Variants in TLK2 observed in about 807,000 individuals in gnomAD.
TLK2 encodes serine/threonine-protein kinase tousled-like 2.
In TLK2, 6 loss-of-function variants were observed where a neutral mutation model predicts 117.3. That is an observed-to-expected ratio of 0.05 (90% CI 0.03 to 0.10). The LOEUF is 0.10. Among genes scored for constraint, TLK2 ranks in the 10% least tolerant of loss-of-function variants. The pLI, the probability that TLK2 is intolerant of heterozygous loss-of-function variation, is 1.00. For synonymous variants in TLK2, 257 were observed against 316.7 expected (o/e 0.81, Z 2.00); for missense variants, 299 against 901.2 (o/e 0.33, Z 8.56).
At chr17:62,502,884 C>T (rs1180022194) in intron 2 of TLK2, among the ~76,000 whole-genome samples, 1 of 152,048 alleles carries the variant, frequency 6.6e-6, no homozygotes, top group Non-Finnish European at 1.5e-5. Context: ...GATTAAAGAA[C>T]ATTAATTTGT....
rs192082364 is a variant in TLK2, at chr17:62,512,786, T to C, written c.82-7987T>C. 5.2e-3 allele frequency among the ~76,000 whole-genome samples: 791 copies of C among 151,596 alleles called. 5 individuals carry two copies. Among genetic ancestry groups the C allele is most frequent in the African/African-American group, 0.018 (753 of 41,466 alleles). The stretch of plus-strand genomic sequence containing the variant: ...CTAAGTTGTAGAGATTTTTCTCCCC[T>C]TTTTTCCTAACAGTTTTATGTTTTA... On this transcript the variant is annotated intron_variant, in intron 2 of 21. Coordinates refer to ENST00000346027, the MANE Select transcript of TLK2 (RefSeq NM_006852.6).
Position 62,576,775 on chromosome 17 carries a change from G to A in TLK2, c.1188G>A (p.Lys396=). The stretch of plus-strand genomic sequence containing the variant: ...AACTCAGATTAGGTCATCTTAAAAA[G>A]GTAAGTATAATGAGAAAATCTCCCT... The part of the protein sequence containing the change: ...IFKLRLGHLK[K]EEAEIQAELE... The change falls in exon 13 of 22, where the codon AAG becomes AAA. Residue 396 remains lysine, a splice_region_variant and synonymous_variant. Transcript: ENST00000346027. 1 of 1,608,128 alleles carries A rather than the reference G, an allele frequency of 6.2e-7. No individual in the cohort carries two copies. The highest frequency in any genetic ancestry group is 8.5e-7 in the Non-Finnish European group (1 of 1,175,112).
chr17:62,556,364 T>C (rs1296995195), intron 9 of TLK2, among the ~76,000 whole-genome samples: 1 of 152,056 alleles, frequency 6.6e-6, no homozygotes, highest in Non-Finnish European at 1.5e-5. Context: ...ATCAGCAGTA[T>C]TTTTTTTATT....
At chr17:62,536,980 TA>T (rs2077159275) in intron 7 of TLK2, among the ~76,000 whole-genome samples, 1 of 152,258 alleles carries the variant, frequency 6.6e-6, no homozygotes, top group African/African-American at 2.4e-5. Flanking sequence ...AACCAAATGT[TA>T]CTTTTCCTGG....
At chr17:62,564,535 C>CAA (rs58856005) in intron 10 of TLK2, among the ~76,000 whole-genome samples, 3 of 63,334 alleles carry the variant, frequency 4.7e-5, no homozygotes, top group Non-Finnish European at 5.8e-5. Context: ...GACTTCGTCT[C>CAA]AAAAAAAAAA....
At chr17:62,585,590 A>G (rs2146891859) in intron 15 of TLK2, 1 of 152,544 alleles carries the variant, frequency 6.6e-6, no homozygotes, top group Middle Eastern at 3.4e-3. Flanking sequence ...TAGAGATGGG[A>G]CTAAAGGCAG....
rs1364785487 is a variant in TLK2, at chr17:62,573,339, A to G, written c.1093A>G (p.Ser365Gly). ...PATNEQKQRK[S>G]KTNGAENETL... ...AACCAATGAGCAGAAACAGCGGAAA[A>G]GCAAGACCAATGGAGCTGAAAATGA... is the stretch of plus-strand genomic sequence containing the variant. The change falls in exon 12 of 22, where the codon AGC becomes GGC. Residue 365 changes from serine to glycine, a missense_variant. This residue lies in a region of TLK2 where 94 missense variants were observed against 282.6 expected (regional missense o/e 0.33). Coordinates refer to ENST00000346027, the MANE Select transcript of TLK2 (RefSeq NM_006852.6). 2 of 1,614,126 alleles carry G rather than the reference A, an allele frequency of 1.2e-6. No individual in the cohort carries two copies. Among genetic ancestry groups the G allele is most frequent in the Non-Finnish European group, 8.5e-7 (1 of 1,179,986 alleles).
intron 2 of TLK2, among the ~76,000 whole-genome samples, chr17:62,486,403 G>T (rs1337690443): frequency 6.6e-6 from 1 of 151,974 alleles, no homozygotes; most frequent in African/African-American, 2.4e-5. Context: ...CTCATGATCC[G>T]CCCGCCTCGG....
At chr17:62,539,473 CTTTTTTT>C (rs1047610954) in intron 7 of TLK2, among the ~76,000 whole-genome samples, 15 of 129,084 alleles carry the variant, frequency 1.2e-4, no homozygotes, top group African/African-American at 4.1e-4. Flanking sequence ...ACCTCCCTCT[CTTTTTTT>C]TTTTTTTTTT....
intron 13 of TLK2, among the ~76,000 whole-genome samples, chr17:62,577,498 A>G (rs1042585547): frequency 2.6e-5 from 4 of 152,214 alleles, no homozygotes; most frequent in Non-Finnish European, 4.4e-5. Context: ...AAAAAGAGAA[A>G]GTGTTATGTG....
At chr17:62,548,759 CAG>C (rs1598505546) in intron 7 of TLK2, among the ~76,000 whole-genome samples, 1 of 150,306 alleles carries the variant, frequency 6.7e-6, no homozygotes, top group African/African-American at 2.4e-5. Context: ...TTTTTTGAGA[CAG>C]AGTCTTGATG....
chr17:62,574,235 A>G lies in TLK2; in HGVS notation c.1121+868A>G, dbSNP rs936405663. The G allele has an allele frequency of 3.5e-6, 5 of 1,447,902 alleles. No individual in the cohort carries two copies. The African/African-American group carries it at 7.2e-5, about 21-fold the overall frequency. The allele number at this position is 1,447,902 out of a possible 1,614,324, so 89.7% of individuals were successfully genotyped here. On this transcript the variant is annotated intron_variant, in intron 12 of 21. Coordinates refer to ENST00000346027, the MANE Select transcript of TLK2 (RefSeq NM_006852.6). ...AAGTGCATCTTCTTTCATTCTAGTG[A>G]GAAAGATGGCTTAACACCAATCCTC...
intron 2 of TLK2, among the ~76,000 whole-genome samples, chr17:62,515,765 C>T (rs190990187): frequency 7.6e-4 from 116 of 152,162 alleles, no homozygotes; most frequent in African/African-American, 2.7e-3. Flanking sequence ...AGCATTTTCT[C>T]CCATTCCATG....
chr17:62,546,344 G>GGTTTTTTTTTTTTTTT (rs1555628572), intron 7 of TLK2, among the ~76,000 whole-genome samples: 2 of 23,346 alleles, frequency 8.6e-5, no homozygotes, highest in Non-Finnish European at 1.9e-4. Context: ...TTTGTTGATT[G>GGTTTTTTTTTTTTTTT]TTTTTTTTTT....
At chr17:62,490,256 G>C (rs1598162742) in intron 2 of TLK2, among the ~76,000 whole-genome samples, 1 of 152,190 alleles carries the variant, frequency 6.6e-6, no homozygotes. Context: ...CCTGTCTCTT[G>C]TATTGCTTGT....
chr17:62,534,106 A>C (rs2076949836), intron 6 of TLK2, among the ~76,000 whole-genome samples: 1 of 152,190 alleles, frequency 6.6e-6, no homozygotes. Flanking sequence ...ATGTTTCACT[A>C]TCCGGTCAAG....
chr17:62,597,805 A>G (rs1230798397), intron 17 of TLK2, among the ~76,000 whole-genome samples: 1 of 152,232 alleles, frequency 6.6e-6, no homozygotes, highest in African/African-American at 2.4e-5. Flanking sequence ...TACTTGGTAT[A>G]GGTAACCTCC....
chr17:62,534,379 T>C (rs1425756684), intron 6 of TLK2, among the ~76,000 whole-genome samples: 1 of 152,210 alleles, frequency 6.6e-6, no homozygotes, highest in South Asian at 2.1e-4. Flanking sequence ...ACCGTTTAAC[T>C]TAGATCATCT....
At position 62,505,989 on chromosome 17, in the gene TLK2, A is replaced by G. The variant is rs543594346; in HGVS notation, c.82-14784A>G. Among the ~76,000 whole-genome samples, 265 of 152,332 alleles carry G rather than the reference A, an allele frequency of 1.7e-3. 1 individual carries two copies. The highest frequency in any genetic ancestry group is 6.0e-3 in the African/African-American group (249 of 41,576). On this transcript the variant is annotated intron_variant, in intron 2 of 21. Coordinates refer to ENST00000346027, the MANE Select transcript of TLK2 (RefSeq NM_006852.6). Reference sequence around the variant, plus strand: ...ATTACAGGTGTGAGCCTCCGCACCCAGTCAATACACTTTAATCCAAGTCAG... The same window carrying G: ...ATTACAGGTGTGAGCCTCCGCACCCGGTCAATACACTTTAATCCAAGTCAG...
Sources: gnomAD v4.1 joint callset for allele counts (sites outside exome capture counted in the v4.1 genomes callset) on GRCh38, gnomAD v4.1.1 for gene constraint, gnomAD v4.1.1 regional missense constraint, MANE v1.5 for transcripts, NCBI Gene and HGNC (gene_info 2026-07-23, HGNC 2026-07-21) for gene names.